The following CLSTN2 variants were observed in gnomAD, a reference collection of about 807,000 sequenced individuals.
CLSTN2 encodes calsyntenin 2, also known as calsyntenin-2.
CLSTN2 carries 48 observed loss-of-function variants against 101.2 expected under a neutral mutation model. That is an observed-to-expected ratio of 0.47 (90% CI 0.38 to 0.60). CLSTN2 has a LOEUF of 0.60. Among genes scored for constraint, CLSTN2 ranks in the 20% least tolerant of loss-of-function variants. The probability of loss-of-function intolerance (pLI) is 0.00; values close to 1 mark genes in which losing one functional copy is unlikely to be tolerated. For missense variants in CLSTN2, 1,160 were observed against 1,238.2 expected, an observed-to-expected ratio of 0.94 and a Z score of 0.95; for synonymous variants, 481 against 463.6, an observed-to-expected ratio of 1.04 and a Z score of -0.48.
At chr3:140,368,530 C>A (rs2087818059) in intron 2 of CLSTN2, among the ~76,000 whole-genome samples, 1 of 152,172 alleles carries the variant, frequency 6.6e-6, no homozygotes, top group Non-Finnish European at 1.5e-5. Context: ...CCACTCCAGG[C>A]CAAGGGGTGG....
rs112356380 is a variant in CLSTN2 at position 140,096,307 on chromosome 3, T to C, written c.110-79644T>C. 3.9e-5 allele frequency among the ~76,000 whole-genome samples: 6 copies of C among 152,322 alleles called. 1 individual carries two copies. Among genetic ancestry groups the C allele is most frequent in the African/African-American group, 1.4e-4 (6 of 41,584 alleles). On this transcript the variant is annotated intron_variant, in intron 1 of 16. Coordinates refer to ENST00000458420, the MANE Select transcript of CLSTN2 (RefSeq NM_022131.3). ...CCAATTCTATCTAATGCAAATCATG[T>C]TCTGCTTAGAAGTTCCCAGCTTTTG...
At chr3:140,386,891 C>T (rs1364209458) in intron 2 of CLSTN2, among the ~76,000 whole-genome samples, 8 of 152,178 alleles carry the variant, frequency 5.3e-5, no homozygotes, top group Non-Finnish European at 8.8e-5. Context: ...TTGGAGTATG[C>T]GCCTGTGCCC....
At chr3:140,446,622 C>T (rs1933085131) in intron 5 of CLSTN2, among the ~76,000 whole-genome samples, 1 of 152,182 alleles carries the variant, frequency 6.6e-6, no homozygotes, top group African/African-American at 2.4e-5. Flanking sequence ...TAGGTCAGTG[C>T]TATGGTCCCC....
At position 140,480,728 on chromosome 3, in the gene CLSTN2, C is replaced by G. The variant is rs955486016; in HGVS notation, c.1344+13997C>G. ...TGAGCATTTTTTCATCTGTCTTTTGCCTGCATAAATGTCTTCTTTTGAGAA... is the reference window on the plus strand; with the variant it reads ...TGAGCATTTTTTCATCTGTCTTTTGGCTGCATAAATGTCTTCTTTTGAGAA... On this transcript the variant is annotated intron_variant, in intron 8 of 16. Coordinates refer to ENST00000458420, the MANE Select transcript of CLSTN2 (RefSeq NM_022131.3). 4.8e-4 allele frequency among the ~76,000 whole-genome samples: 73 copies of G among 152,036 alleles called. 1 individual carries two copies. Among genetic ancestry groups the G allele is most frequent in the Non-Finnish European group, 2.1e-4 (14 of 67,980 alleles).
chr3:139,995,116 C>T (rs1163663993), intron 1 of CLSTN2, among the ~76,000 whole-genome samples: 1 of 152,100 alleles, frequency 6.6e-6, no homozygotes, highest in Non-Finnish European at 1.5e-5. Context: ...CAGCCATGCC[C>T]ACGGGTCTTC....
chr3:140,266,557 C>G (rs1422959926), intron 2 of CLSTN2, among the ~76,000 whole-genome samples: 3 of 152,170 alleles, frequency 2.0e-5, no homozygotes, highest in African/African-American at 7.2e-5. Flanking sequence ...TTCTGTTTAC[C>G]TATCTATTCC....
intron 8 of CLSTN2, among the ~76,000 whole-genome samples, chr3:140,520,757 C>G (rs1935006978): frequency 6.6e-6 from 1 of 152,158 alleles, no homozygotes; most frequent in African/African-American, 2.4e-5. Flanking sequence ...AGTATGTTTT[C>G]CAAGTTGGTT....
intron 5 of CLSTN2, among the ~76,000 whole-genome samples, chr3:140,432,608 C>A (rs2088644195): frequency 6.6e-6 from 1 of 152,184 alleles, no homozygotes; most frequent in Admixed American, 6.5e-5. Flanking sequence ...CATAGCTGAT[C>A]ATTAAGGTGC....
intron 1 of CLSTN2, among the ~76,000 whole-genome samples, chr3:140,112,370 T>A (rs996034474): frequency 2.0e-5 from 3 of 146,690 alleles, no homozygotes; most frequent in African/African-American, 5.1e-5. Flanking sequence ...TGTGTGTGTG[T>A]TTTTTACTAC....
At chr3:140,374,653 T>TAG (rs1289306231) in intron 2 of CLSTN2, among the ~76,000 whole-genome samples, 1 of 152,356 alleles carries the variant, frequency 6.6e-6, no homozygotes, top group African/African-American at 2.4e-5. Flanking sequence ...ATTTTAAAAA[T>TAG]AGAGCTATCA....
At chr3:140,053,394 G>A (rs995010905) in intron 1 of CLSTN2, among the ~76,000 whole-genome samples, 1 of 152,192 alleles carries the variant, frequency 6.6e-6, no homozygotes, top group African/African-American at 2.4e-5. Context: ...TTGTGTCTGA[G>A]GATAAACTCG....
At chr3:140,305,008 T>TCA (rs1166890060) in intron 2 of CLSTN2, among the ~76,000 whole-genome samples, 1 of 149,942 alleles carries the variant, frequency 6.7e-6, no homozygotes, top group Non-Finnish European at 1.5e-5. Context: ...GACATAGCTG[T>TCA]CACACACACA....
intron 1 of CLSTN2, among the ~76,000 whole-genome samples, chr3:140,171,736 T>A (rs1441379486): frequency 1.8e-5 from 2 of 111,230 alleles, no homozygotes; most frequent in Non-Finnish European, 3.4e-5. Flanking sequence ...ATATATAATA[T>A]ATTAATATAT....
intron 7 of CLSTN2, among the ~76,000 whole-genome samples, chr3:140,460,083 A>C (rs1933522396): frequency 6.6e-6 from 1 of 152,282 alleles, no homozygotes; most frequent in South Asian, 2.1e-4. Flanking sequence ...GGGCTGCTAT[A>C]AGTGAGATGG....
In CLSTN2 at chr3:140,448,639, C is replaced by G; in HGVS notation, c.908C>G (p.Thr303Ser). 6.2e-7 allele frequency: 1 copy of G among 1,614,122 alleles called. No individual in the cohort carries two copies. The highest frequency in any genetic ancestry group is 8.5e-7 in the Non-Finnish European group (1 of 1,180,000). Residue 303 changes from threonine to serine, a missense_variant, in exon 6 of 17, where the codon ACT becomes AGT. Physicochemically the swap from Thr to Ser is moderately conservative, Grantham distance 58 (BLOSUM62 1). Coordinates refer to ENST00000458420, the MANE Select transcript of CLSTN2 (RefSeq NM_022131.3). ...CTCCAGATCGTCACAGAGCTGCAGACTAATTACATTGGGAAGGGTTGTGAC... is the reference window on the plus strand; with the variant it reads ...CTCCAGATCGTCACAGAGCTGCAGAGTAATTACATTGGGAAGGGTTGTGAC... The part of the protein sequence containing the change: ...SSLQIVTELQ[T>S]NYIGKGCDRE...
chr3:140,219,123 G>A (rs2086238592), intron 2 of CLSTN2, among the ~76,000 whole-genome samples: 1 of 151,960 alleles, frequency 6.6e-6, no homozygotes, highest in Non-Finnish European at 1.5e-5. Flanking sequence ...CCAAACAAAA[G>A]GCTCGAACTG....
intron 1 of CLSTN2, among the ~76,000 whole-genome samples, chr3:140,047,314 C>T (rs553907762): frequency 1.1e-3 from 160 of 152,196 alleles, no homozygotes; most frequent in African/African-American, 3.7e-3. Context: ...ATAGTGAGTA[C>T]ATTTTAGTTT....
intron 6 of CLSTN2, among the ~76,000 whole-genome samples, chr3:140,453,652 G>A (rs1029371939): frequency 1.2e-4 from 19 of 152,132 alleles, no homozygotes; most frequent in Non-Finnish European, 2.4e-4. Context: ...TATTTGAATG[G>A]TAGATTTGCT....
Position 139,962,334 on chromosome 3 carries a change from C to G in CLSTN2, c.109+26851C>G, listed in dbSNP as rs529936751. Among the ~76,000 whole-genome samples the G allele has an allele frequency of 3.3e-5, 5 of 152,064 alleles. No individual in the cohort carries two copies. The South Asian group carries it at 1.0e-3, about 32-fold the overall frequency. On this transcript the variant is annotated intron_variant, in intron 1 of 16. Transcript: ENST00000458420. ...AAGTATATGATCTGATAACTTTTGACGTATGTATATACCCATCAAGACATC... is the reference window on the plus strand; with the variant it reads ...AAGTATATGATCTGATAACTTTTGAGGTATGTATATACCCATCAAGACATC...
Sources: gnomAD v4.1 joint callset for allele counts (sites outside exome capture counted in the v4.1 genomes callset) on GRCh38, gnomAD v4.1.1 for gene constraint, MANE v1.5 for transcripts, NCBI Gene and HGNC (gene_info 2026-07-23, HGNC 2026-07-21) for gene names.